SKAP2: variants seen among roughly 807,000 people sequenced by gnomAD.
SKAP2 encodes the protein src kinase-associated phosphoprotein 2.
Under a neutral mutation model 54.9 loss-of-function variants are expected in SKAP2, and 28 were observed. That is an observed-to-expected ratio of 0.51 (90% CI 0.38 to 0.70). SKAP2 has a LOEUF of 0.70. Among genes scored for constraint, SKAP2 ranks in the 30% least tolerant of loss-of-function variants. The pLI is 0.00. For synonymous variants in SKAP2, 137 were observed against 134.3 expected, an observed-to-expected ratio of 1.02 and a Z score of -0.14; for missense variants, 356 against 424.1, an observed-to-expected ratio of 0.84 and a Z score of 1.41.
chr7:26,834,195 G>A (rs1361261662), intron 4 of SKAP2, among the ~76,000 whole-genome samples: 1 of 152,220 alleles, frequency 6.6e-6, no homozygotes, highest in Non-Finnish European at 1.5e-5. Context: ...AGCTAAAGCA[G>A]TGTTTAGAGG....
rs1786120582 is a variant in SKAP2 at position 26,667,253 on chromosome 7, T to C, written c.*2413A>G. On this transcript the variant is annotated 3_prime_UTR_variant, in exon 13 of 13. Coordinates refer to ENST00000345317, the MANE Select transcript of SKAP2 (RefSeq NM_003930.5). Reference sequence around the variant, plus strand: ...CTCTAACTGTTCACAGAAAAACAAATAAAAGCTAAGCAAACATAATGAGAC... The same window carrying C: ...CTCTAACTGTTCACAGAAAAACAAACAAAAGCTAAGCAAACATAATGAGAC... 1 of 152,178 alleles carries C rather than the reference T, an allele frequency of 6.6e-6. No individual in the cohort carries two copies. Among genetic ancestry groups the C allele is most frequent in the East Asian group, 1.9e-4 (1 of 5,170 alleles). The allele number at this position is 152,178 out of a possible 1,614,324, so 9.4% of individuals were successfully genotyped here.
chr7:26,811,895 A>T (rs1259499809), intron 4 of SKAP2, among the ~76,000 whole-genome samples: 2 of 152,202 alleles, frequency 1.3e-5, no homozygotes, highest in Admixed American at 6.5e-5. Context: ...TATTACATCA[A>T]ATTCCCATAA....
chr7:26,768,233 T>C (rs1366197084), intron 4 of SKAP2, among the ~76,000 whole-genome samples: 5 of 152,194 alleles, frequency 3.3e-5, no homozygotes, highest in Non-Finnish European at 7.3e-5. Flanking sequence ...TTTTTGATCT[T>C]TGTTGATTTA....
At chr7:26,820,012 G>T (rs983697243) in intron 4 of SKAP2, among the ~76,000 whole-genome samples, 1 of 151,902 alleles carries the variant, frequency 6.6e-6, no homozygotes, top group African/African-American at 2.4e-5. Flanking sequence ...AAAGTGCTCA[G>T]AAAATTTAAA....
the SKAP2 span, among the ~76,000 whole-genome samples, chr7:26,657,944 G>C: frequency 6.6e-6 from 1 of 152,056 alleles, no homozygotes; most frequent in Admixed American, 6.6e-5. Context: ...CCTGACACAG[G>C]AAAGTGAACA....
At chr7:26,655,074 G>C in the SKAP2 span, among the ~76,000 whole-genome samples, 710 of 152,066 alleles carry the variant, frequency 4.7e-3, 4 homozygotes, top group African/African-American at 0.016. Flanking sequence ...TATTGCTCAG[G>C]GGTTTTGAGG....
At chr7:26,763,104 G>C (rs1053124785) in intron 4 of SKAP2, among the ~76,000 whole-genome samples, 1 of 151,960 alleles carries the variant, frequency 6.6e-6, no homozygotes, top group African/African-American at 2.4e-5. Flanking sequence ...TGAGATCTCA[G>C]GTTTCTATAA....
intron 9 of SKAP2, among the ~76,000 whole-genome samples, chr7:26,699,472 G>T (rs1786976712): frequency 6.6e-6 from 1 of 152,028 alleles, no homozygotes; most frequent in Non-Finnish European, 1.5e-5. Context: ...GATGTAACAG[G>T]TTTATCATCA....
chr7:26,774,191 T>C (rs1377879423), intron 4 of SKAP2, among the ~76,000 whole-genome samples: 7 of 152,076 alleles, frequency 4.6e-5, no homozygotes, highest in Non-Finnish European at 1.5e-5. Context: ...TGCATGCCTG[T>C]AGTCCCAGCT....
chr7:26,828,413 A>G (rs680704), intron 4 of SKAP2, among the ~76,000 whole-genome samples: 7,931 of 151,926 alleles, frequency 0.052, 306 homozygotes, highest in Non-Finnish European at 0.072. Context: ...CGCGGTGGCT[A>G]ACACCTGTAA....
intron 5 of SKAP2, among the ~76,000 whole-genome samples, chr7:26,739,448 A>T (rs1782380834): frequency 6.6e-6 from 1 of 152,226 alleles, no homozygotes; most frequent in Non-Finnish European, 1.5e-5. Flanking sequence ...CCCAATTATC[A>T]TAGCCAATGG....
chr7:26,809,161 C>A (rs1012099174), intron 4 of SKAP2, among the ~76,000 whole-genome samples: 1 of 152,154 alleles, frequency 6.6e-6, no homozygotes, highest in African/African-American at 2.4e-5. Context: ...CGCCTGTAAT[C>A]CCAGCACTTT....
chr7:26,789,657 A>G (rs1783632800), intron 4 of SKAP2, among the ~76,000 whole-genome samples: 1 of 152,202 alleles, frequency 6.6e-6, no homozygotes, highest in Non-Finnish European at 1.5e-5. Flanking sequence ...AGGCCGCCAA[A>G]TATCAAGCCT....
chr7:26,701,744 A>C (rs1027007660), intron 9 of SKAP2, among the ~76,000 whole-genome samples: 6 of 124,124 alleles, frequency 4.8e-5, no homozygotes, highest in African/African-American at 1.1e-4. Flanking sequence ...TAAATAAATA[A>C]ATAAATAAAT....
chr7:26,722,623 C>T (rs1329669883), intron 9 of SKAP2, among the ~76,000 whole-genome samples: 5 of 151,556 alleles, frequency 3.3e-5, no homozygotes, highest in Non-Finnish European at 5.9e-5. Flanking sequence ...TGGCCAGGCT[C>T]GCTTCGAACT....
intron 4 of SKAP2, among the ~76,000 whole-genome samples, chr7:26,833,394 T>C (rs1194829989): frequency 1.1e-5 from 1 of 87,938 alleles, no homozygotes; most frequent in Admixed American, 1.2e-4. Context: ...CAAGACTCCG[T>C]CTCAAAAAAA....
At chr7:26,765,828 A>G (rs748238974) in intron 4 of SKAP2, among the ~76,000 whole-genome samples, 4 of 152,046 alleles carry the variant, frequency 2.6e-5, no homozygotes, top group South Asian at 4.1e-4. Flanking sequence ...ATTGCTCCAT[A>G]TATCTGTTTT....
chr7:26,825,337 C>T (rs1354826634), intron 4 of SKAP2, among the ~76,000 whole-genome samples: 2 of 151,646 alleles, frequency 1.3e-5, no homozygotes, highest in Non-Finnish European at 2.9e-5. Flanking sequence ...CGCTAACTGC[C>T]TCAATTGTTT....
intron 4 of SKAP2, among the ~76,000 whole-genome samples, chr7:26,759,006 TTGA>T (rs568439208): frequency 2.0e-3 from 308 of 152,322 alleles, no homozygotes; most frequent in Non-Finnish European, 3.5e-3. Flanking sequence ...TCTAAATTTG[TTGA>T]TATTACAAAA....
Sources: allele counts gnomAD v4.1 joint callset (sites outside exome capture counted in the v4.1 genomes callset), GRCh38; gene constraint gnomAD v4.1.1; transcripts MANE v1.5; gene names NCBI Gene and HGNC (gene_info 2026-07-23, HGNC 2026-07-21).